Variants in STARD13 observed in about 807,000 individuals in gnomAD.
STARD13 encodes stAR-related lipid transfer protein 13.
Under a neutral mutation model 106.4 loss-of-function variants are expected in STARD13, and 62 were observed. The ratio of observed to expected loss-of-function variants is 0.58; its 90% CI spans 0.48 to 0.72. The LOEUF (loss-of-function observed/expected upper bound fraction) is 0.72, where lower values mean the gene tolerates loss of function less well. Ranked by LOEUF, STARD13 falls within the 30% of genes least tolerant of loss-of-function variation. The pLI, the probability that STARD13 is intolerant of heterozygous loss-of-function variation, is 0.00. For missense variants in STARD13, 1,387 were observed against 1,424.0 expected, an observed-to-expected ratio of 0.97 and a Z score of 0.42; for synonymous variants, 565 against 553.0, an observed-to-expected ratio of 1.02 and a Z score of -0.31.
chr13:33,412,187 A>G, the STARD13 span, among the ~76,000 whole-genome samples: 1 of 152,242 alleles, frequency 6.6e-6, no homozygotes, highest in South Asian at 2.1e-4. Flanking sequence ...TTTATCTTCC[A>G]TAATAAAAAT....
At chr13:33,456,331 A>C in the STARD13 span, among the ~76,000 whole-genome samples, 1 of 152,154 alleles carries the variant, frequency 6.6e-6, no homozygotes, top group African/African-American at 2.4e-5. Context: ...CTAGGATTAC[A>C]GGCGTGAGCC....
chr13:33,244,515 A>C (rs528520530), intron 1 of STARD13, among the ~76,000 whole-genome samples: 1 of 152,046 alleles, frequency 6.6e-6, no homozygotes, highest in African/African-American at 2.4e-5. Flanking sequence ...TCCTCTTATC[A>C]AGAAGAGCCC....
chr13:33,637,372 G>A, the STARD13 span, among the ~76,000 whole-genome samples: 1 of 152,174 alleles, frequency 6.6e-6, no homozygotes, highest in Non-Finnish European at 1.5e-5. Flanking sequence ...CTTAGAAGCT[G>A]AAATAGTCAT....
the STARD13 span, among the ~76,000 whole-genome samples, chr13:33,655,438 C>T: frequency 6.7e-4 from 102 of 152,270 alleles, no homozygotes; most frequent in African/African-American, 1.7e-3. Flanking sequence ...CCATAATAAA[C>T]GGTGACTTTG....
the STARD13 span, among the ~76,000 whole-genome samples, chr13:33,399,915 T>C: frequency 2.6e-5 from 4 of 152,232 alleles, no homozygotes; most frequent in African/African-American, 7.2e-5. Context: ...TGGATGACTA[T>C]TCATTTTTTA....
chr13:33,623,784 C>A, the STARD13 span, among the ~76,000 whole-genome samples: 1 of 151,774 alleles, frequency 6.6e-6, no homozygotes, highest in East Asian at 2.0e-4. Context: ...ACCAAATCAA[C>A]AACAACCAAA....
At chr13:33,284,866 T>C (rs1452930571) in intron 1 of STARD13, among the ~76,000 whole-genome samples, 3 of 152,192 alleles carry the variant, frequency 2.0e-5, no homozygotes, top group Non-Finnish European at 4.4e-5. Context: ...AGCTGGAGTT[T>C]TGTGTGCAGG....
the STARD13 span, among the ~76,000 whole-genome samples, chr13:33,675,381 A>C: frequency 6.6e-6 from 1 of 152,172 alleles, no homozygotes; most frequent in Non-Finnish European, 1.5e-5. Context: ...CTGGAAAGGA[A>C]AATGTCTGGA....
chr13:33,504,443 A>C, the STARD13 span, among the ~76,000 whole-genome samples: 4 of 152,132 alleles, frequency 2.6e-5, no homozygotes, highest in African/African-American at 9.7e-5. Context: ...GGATGAGTTC[A>C]TGTCCTTTGT....
chr13:33,186,655 A>G (rs916706142), intron 1 of STARD13, among the ~76,000 whole-genome samples: 4 of 152,154 alleles, frequency 2.6e-5, no homozygotes, highest in African/African-American at 9.7e-5. Flanking sequence ...TTTTATTTAC[A>G]TCCTAAAGAG....
intron 1 of STARD13, among the ~76,000 whole-genome samples, chr13:33,278,165 A>G (rs529158546): frequency 2.6e-4 from 39 of 152,266 alleles, no homozygotes; most frequent in African/African-American, 9.4e-4. Flanking sequence ...AAGATGAAAT[A>G]TACCAGTTTA....
chr13:33,197,702 C>G (rs1410876893), intron 1 of STARD13, among the ~76,000 whole-genome samples: 2 of 152,182 alleles, frequency 1.3e-5, no homozygotes, highest in Admixed American at 6.5e-5. Flanking sequence ...ATGGTAGAAC[C>G]AACACCCTGC....
the STARD13 span, among the ~76,000 whole-genome samples, chr13:33,546,857 A>G: frequency 4.6e-5 from 7 of 152,236 alleles, no homozygotes; most frequent in South Asian, 1.0e-3. Flanking sequence ...TGTATTTCAT[A>G]TATGGATAAA....
At chr13:33,628,270 C>T in the STARD13 span, among the ~76,000 whole-genome samples, 1 of 152,020 alleles carries the variant, frequency 6.6e-6, no homozygotes, top group Non-Finnish European at 1.5e-5. Context: ...ATGCCCCTGT[C>T]TCTATTCTTT....
the STARD13 span, among the ~76,000 whole-genome samples, chr13:33,666,320 G>A: frequency 6.6e-6 from 1 of 152,128 alleles, no homozygotes. Flanking sequence ...TTGAGAGAGA[G>A]TCTCGCTCTG....
intron 1 of STARD13, among the ~76,000 whole-genome samples, chr13:33,187,519 C>A (rs1025921847): frequency 7.2e-5 from 11 of 152,068 alleles, no homozygotes; most frequent in African/African-American, 1.4e-4. Context: ...CTTGGAAGGG[C>A]ATGCATTTTA....
intron 1 of STARD13, among the ~76,000 whole-genome samples, chr13:33,243,429 G>A (rs1002730295): frequency 6.6e-6 from 1 of 152,184 alleles, no homozygotes; most frequent in Non-Finnish European, 1.5e-5. Flanking sequence ...AGGGTGAAGA[G>A]TACCTGGGTG....
chr13:33,341,719 C>T (rs959736775), intron 1 of STARD13, among the ~76,000 whole-genome samples: 10 of 152,242 alleles, frequency 6.6e-5, no homozygotes, highest in African/African-American at 2.4e-4. Context: ...AAGGAGGACG[C>T]TGTATTGCCC....
At chr13:33,598,781 C>T in the STARD13 span, among the ~76,000 whole-genome samples, 1 of 152,316 alleles carries the variant, frequency 6.6e-6, no homozygotes, top group Non-Finnish European at 1.5e-5. Context: ...CCTAAATTAC[C>T]GTCCCTAAAC....
Sources: gnomAD v4.1 joint callset for allele counts (sites outside exome capture counted in the v4.1 genomes callset) on GRCh38, gnomAD v4.1.1 for gene constraint, MANE v1.5 for transcripts, NCBI Gene and HGNC (gene_info 2026-07-23, HGNC 2026-07-21) for gene names.